Variants in NYAP2 observed in about 807,000 individuals in gnomAD.
The protein encoded by NYAP2 is neuronal tyrosine-phosphorylated phosphoinositide-3-kinase adapter 2.
A neutral mutation model predicts 50.4 loss-of-function variants in NYAP2; 23 were observed. That is an observed-to-expected ratio of 0.46 (90% confidence interval 0.33 to 0.65). The LOEUF is 0.65. Among genes scored for constraint, NYAP2 ranks in the 30% least tolerant of loss-of-function variants. The pLI, the probability that NYAP2 is intolerant of heterozygous loss-of-function variation, is 0.02. For missense variants in NYAP2, 885 were observed against 861.0 expected, an observed-to-expected ratio of 1.03 and a Z score of -0.35; for synonymous variants, 394 against 365.2, an observed-to-expected ratio of 1.08 and a Z score of -0.90.
At chr2:225,606,736 T>A (rs1692793911) in intron 5 of NYAP2, among the ~76,000 whole-genome samples, 1 of 152,186 alleles carries the variant, frequency 6.6e-6, no homozygotes, top group Non-Finnish European at 1.5e-5. Context: ...TTTCTTGCCA[T>A]GGCTTTAGTA....
intron 4 of NYAP2, among the ~76,000 whole-genome samples, chr2:225,561,699 G>C (rs1324075438): frequency 6.6e-6 from 1 of 152,044 alleles, no homozygotes; most frequent in East Asian, 1.9e-4. Flanking sequence ...TTTAGCTGGA[G>C]CCCAAGAGTA....
chr2:225,645,136 T>C (rs1360204873), intron 6 of NYAP2, among the ~76,000 whole-genome samples: 1 of 151,494 alleles, frequency 6.6e-6, no homozygotes, highest in Non-Finnish European at 1.5e-5. Flanking sequence ...CATGCACCTA[T>C]AGTTTCAGCT....
At chr2:225,474,197 G>C (rs558483779) in intron 3 of NYAP2, among the ~76,000 whole-genome samples, 2 of 152,274 alleles carry the variant, frequency 1.3e-5, no homozygotes, top group Non-Finnish European at 2.9e-5. Context: ...GTACCATGCT[G>C]TTTTGGTTAC....
chr2:225,544,220 T>G (rs1157581020), intron 4 of NYAP2, among the ~76,000 whole-genome samples: 1 of 147,970 alleles, frequency 6.8e-6, no homozygotes, highest in African/African-American at 2.6e-5. Flanking sequence ...GATGATTGGG[T>G]GTTTTTTTTT....
intron 3 of NYAP2, among the ~76,000 whole-genome samples, chr2:225,465,176 C>T (rs1007110067): frequency 2.0e-5 from 3 of 152,172 alleles, no homozygotes; most frequent in African/African-American, 7.2e-5. Context: ...GACATATCGA[C>T]TTACCCTTTG....
intron 5 of NYAP2, among the ~76,000 whole-genome samples, chr2:225,587,872 T>C (rs1574695544): frequency 6.6e-6 from 1 of 152,166 alleles, no homozygotes; most frequent in East Asian, 1.9e-4. Flanking sequence ...TCTACATTAT[T>C]GGAGATTCGT....
At chr2:225,496,802 G>T (rs896634940) in intron 3 of NYAP2, among the ~76,000 whole-genome samples, 1 of 151,968 alleles carries the variant, frequency 6.6e-6, no homozygotes, top group African/African-American at 2.4e-5. Context: ...ACCCTGAGGG[G>T]TGTATATCTT....
exon 4 of NYAP2, chr2:225,513,627 A>G: frequency 6.5e-7 from 1 of 1,535,784 alleles, no homozygotes; most frequent in Non-Finnish European, 8.8e-7. Flanking sequence ...GACAGTCAGC[A>G]GCACTGCAGC....
At chr2:225,485,887 G>A (rs111607214) in intron 3 of NYAP2, among the ~76,000 whole-genome samples, 5,489 of 152,242 alleles carry the variant, frequency 0.036, 140 homozygotes, top group Non-Finnish European at 0.054. Flanking sequence ...CCCTGTGCAT[G>A]TTAGAATATT....
At chr2:225,491,768 C>G (rs1414473730) in intron 3 of NYAP2, among the ~76,000 whole-genome samples, 3 of 152,168 alleles carry the variant, frequency 2.0e-5, no homozygotes, top group Non-Finnish European at 4.4e-5. Context: ...TGGATATGAT[C>G]TCAGAAAAGT....
At chr2:225,437,957 T>C (rs1224180638) in intron 3 of NYAP2, among the ~76,000 whole-genome samples, 1 of 152,196 alleles carries the variant, frequency 6.6e-6, no homozygotes, top group African/African-American at 2.4e-5. Flanking sequence ...TTACTCTGCC[T>C]AACAATGATC....
chr2:225,549,144 G>T (rs1161985119), intron 4 of NYAP2, among the ~76,000 whole-genome samples: 1 of 152,160 alleles, frequency 6.6e-6, no homozygotes, highest in Non-Finnish European at 1.5e-5. Flanking sequence ...GCCTCCCAAA[G>T]TGCCAAGATT....
intron 4 of NYAP2, among the ~76,000 whole-genome samples, chr2:225,552,234 C>T (rs1691690805): frequency 6.6e-6 from 1 of 152,048 alleles, no homozygotes; most frequent in African/African-American, 2.4e-5. Flanking sequence ...TTAGACCATG[C>T]CCAGTCATAA....
chr2:225,479,460 A>T (rs1380710804), intron 3 of NYAP2, among the ~76,000 whole-genome samples: 1 of 152,212 alleles, frequency 6.6e-6, no homozygotes, highest in Non-Finnish European at 1.5e-5. Flanking sequence ...ATCCTAAGTG[A>T]TCCATTGAAA....
intron 4 of NYAP2, among the ~76,000 whole-genome samples, chr2:225,575,191 A>G (rs1574687041): frequency 6.6e-6 from 1 of 151,920 alleles, no homozygotes; most frequent in Non-Finnish European, 1.5e-5. Flanking sequence ...AATATATAAC[A>G]CCATGCTCCC....
chr2:225,618,388 G>A (rs533460807), intron 5 of NYAP2, among the ~76,000 whole-genome samples: 1 of 152,320 alleles, frequency 6.6e-6, no homozygotes, highest in Non-Finnish European at 1.5e-5. Flanking sequence ...ACAATAAATA[G>A]GACAGGTGCA....
At chr2:225,642,778 A>C (rs1333840261) in intron 6 of NYAP2, among the ~76,000 whole-genome samples, 3 of 152,212 alleles carry the variant, frequency 2.0e-5, no homozygotes, top group Non-Finnish European at 4.4e-5. Flanking sequence ...AAGAAAAATC[A>C]AATTACTATT....
chr2:225,617,533 G>A (rs1693010670), intron 5 of NYAP2, among the ~76,000 whole-genome samples: 1 of 152,100 alleles, frequency 6.6e-6, no homozygotes, highest in African/African-American at 2.4e-5. Flanking sequence ...GCAATTAAAT[G>A]AATGACAGTT....
At chr2:225,543,643 A>AT (rs1051923100) in intron 4 of NYAP2, among the ~76,000 whole-genome samples, 5 of 152,020 alleles carry the variant, frequency 3.3e-5, no homozygotes, top group African/African-American at 4.8e-5. Context: ...TATTATTTCA[A>AT]TTTTTTTAAC....
Sources: gnomAD v4.1 joint callset for allele counts (sites outside exome capture counted in the v4.1 genomes callset) on GRCh38, gnomAD v4.1.1 for gene constraint, MANE v1.5 for transcripts, NCBI Gene and HGNC (gene_info 2026-07-23, HGNC 2026-07-21) for gene names.